Variants in TGFBR3 observed in about 807,000 individuals in gnomAD.
The protein encoded by TGFBR3 is transforming growth factor beta receptor 3.
TGFBR3 carries 46 observed loss-of-function variants against 87.9 expected under a neutral mutation model. The ratio of observed to expected loss-of-function variants is 0.52; its 90% confidence interval spans 0.41 to 0.67. TGFBR3 has a LOEUF of 0.67. Among genes scored for constraint, TGFBR3 ranks in the 30% least tolerant of loss-of-function variants. The pLI is 0.00. For missense variants in TGFBR3, 866 were observed against 1,041.9 expected, an observed-to-expected ratio of 0.83 and a Z score of 2.32; for synonymous variants, 381 against 391.6, an observed-to-expected ratio of 0.97 and a Z score of 0.32.
intron 10 of TGFBR3, among the ~76,000 whole-genome samples, 157 bp from the exon 11 acceptor site, chr1:91,716,865 A>T (rs946362766): frequency 6.6e-6 from 1 of 152,252 alleles, no homozygotes; most frequent in Admixed American, 6.5e-5. Flanking sequence ...TTTTCGAATT[A>T]TATCTTCAAA....
At chr1:91,785,104 A>G (rs1674908656) in intron 3 of TGFBR3, among the ~76,000 whole-genome samples, 1 of 152,278 alleles carries the variant, frequency 6.6e-6, no homozygotes, top group South Asian at 2.1e-4. Context: ...GAATGCATTA[A>G]CAAAACATGG....
chr1:91,712,161 C>A (rs764301977), intron 13 of TGFBR3, 82 bp downstream of exon 13: 1 of 1,348,592 alleles, frequency 7.4e-7, no homozygotes, highest in Non-Finnish European at 1.0e-6. Flanking sequence ...AAAACCTCAA[C>A]CTGCAAGACC....
At chr1:91,733,008 G>A (rs1412501402) in intron 5 of TGFBR3, among the ~76,000 whole-genome samples, 1 of 152,192 alleles carries the variant, frequency 6.6e-6, no homozygotes, top group African/African-American at 2.4e-5. Flanking sequence ...CAGAAACGCG[G>A]CCCGCTGGCC....
intron 2 of TGFBR3, among the ~76,000 whole-genome samples, chr1:91,800,423 C>A (rs1305710891): frequency 6.6e-6 from 1 of 150,550 alleles, no homozygotes; most frequent in Non-Finnish European, 1.5e-5. Context: ...GTGGGAGAAT[C>A]ACCTAAGCCC....
chr1:91,858,644 CT>C (rs1678059909), intron 2 of TGFBR3, among the ~76,000 whole-genome samples: 1 of 150,196 alleles, frequency 6.7e-6, no homozygotes, highest in South Asian at 2.1e-4. Context: ...CAAAATTTCC[CT>C]CTTCTTCATT....
intron 8 of TGFBR3, among the ~76,000 whole-genome samples, chr1:91,721,593 A>G (rs1459226020): frequency 6.6e-6 from 1 of 152,062 alleles, no homozygotes; most frequent in Non-Finnish European, 1.5e-5. Context: ...CCTCGTGACT[A>G]TTTTCCTAAA....
chr1:91,812,520 C>A (rs1676065151), intron 2 of TGFBR3, among the ~76,000 whole-genome samples: 1 of 152,184 alleles, frequency 6.6e-6, no homozygotes, highest in Non-Finnish European at 1.5e-5. Flanking sequence ...AGATGTAGGG[C>A]TGCCATTATG....
chr1:91,740,873 A>T (rs1245016885), intron 4 of TGFBR3, among the ~76,000 whole-genome samples: 2 of 152,238 alleles, frequency 1.3e-5, no homozygotes, highest in African/African-American at 2.4e-5. Flanking sequence ...AAAACACATA[A>T]GAAATGTAGG....
chr1:91,686,763 C>T (rs12075049), intron 16 of TGFBR3, among the ~76,000 whole-genome samples: 3,032 of 152,270 alleles, frequency 0.02, 116 homozygotes, highest in African/African-American at 0.069. Flanking sequence ...GCAGTGGTCT[C>T]TGATTTCGTG....
chr1:91,760,839 C>T (rs944106469), intron 3 of TGFBR3, among the ~76,000 whole-genome samples: 2 of 152,140 alleles, frequency 1.3e-5, no homozygotes, highest in African/African-American at 4.8e-5. Context: ...AGAAGAGATG[C>T]TATAGAAATA....
chr1:91,830,217 C>T (rs770875182), intron 2 of TGFBR3, among the ~76,000 whole-genome samples: 9 of 152,228 alleles, frequency 5.9e-5, no homozygotes, highest in African/African-American at 9.6e-5. Context: ...TTCTTTGCCT[C>T]TGTCTTTCTC....
chr1:91,902,574 C>T (rs188480707), intron 1 of TGFBR3, among the ~76,000 whole-genome samples: 1 of 151,942 alleles, frequency 6.6e-6, no homozygotes, highest in African/African-American at 2.4e-5. Context: ...TGAGCCACCA[C>T]ACCCAGCCAA....
At chr1:91,829,750 T>G (rs970560051) in intron 2 of TGFBR3, 13 of 149,580 alleles carry the variant, frequency 8.7e-5, no homozygotes, top group African/African-American at 1.5e-4. Context: ...AAGGGGTTTT[T>G]TTTTGTTTTG....
chr1:91,723,480 TAAAAAAAAAAAAA>T lies in TGFBR3; in HGVS notation c.886-1349_886-1337del, dbSNP rs58578681. ...TGGGTGACAGAGGGAGACCCTGCCT[TAAAAAAAAAAAAA>T]AAAAAAAAAAAAAAAGACTAGCTTT... On this transcript the variant is annotated intron_variant, in intron 7 of 16. Coordinates refer to ENST00000212355, the MANE Select transcript of TGFBR3 (RefSeq NM_003243.5). 4.8e-4 allele frequency among the ~76,000 whole-genome samples: 52 copies of T among 109,134 alleles called. 1 individual carries two copies. The highest frequency in any genetic ancestry group is 2.4e-3 in the South Asian group (7 of 2,890). 71.6% of individuals were successfully genotyped at this position (109,134 alleles called of 152,430 possible). A position where few individuals can be genotyped will look rare whatever the true frequency, so the allele number is the denominator to read the frequency against.
chr1:91,859,029 TGGG>T (rs1678074659), intron 2 of TGFBR3, among the ~76,000 whole-genome samples: 1 of 150,324 alleles, frequency 6.7e-6, no homozygotes, highest in African/African-American at 2.5e-5. Flanking sequence ...CACTCCAGCC[TGGG>T]TGACACACAG....
chr1:91,720,631 T>C (rs770262791), intron 8 of TGFBR3, among the ~76,000 whole-genome samples: 4 of 152,228 alleles, frequency 2.6e-5, no homozygotes, highest in Non-Finnish European at 5.9e-5. Context: ...TAATATGTTT[T>C]AGTCTCTCCA....
rs1221880373 is a variant in TGFBR3 at position 91,683,231 on chromosome 1, T to A, written c.*508A>T. On this transcript the variant is annotated 3_prime_UTR_variant, in exon 17 of 17. Transcript: ENST00000212355. ...TCAGAAGTGTGCATCCAGACAAAGGTGCAAATTAGACAGGAGGATCGCTTA... is the reference window on the plus strand; with the variant it reads ...TCAGAAGTGTGCATCCAGACAAAGGAGCAAATTAGACAGGAGGATCGCTTA... 2.2e-6 allele frequency: 1 copy of A among 454,654 alleles called. No homozygotes were observed. The highest frequency in any genetic ancestry group is 1.6e-5 in the South Asian group (1 of 64,474). 28.2% of individuals were successfully genotyped at this position (454,654 alleles called of 1,614,324 possible).
At chr1:91,720,305 G>C in intron 8 of TGFBR3, 75 bp from the exon 9 acceptor site, 1 of 1,379,158 alleles carries the variant, frequency 7.3e-7, no homozygotes, top group African/African-American at 1.4e-5. Context: ...AGGCAGAACA[G>C]GAGGAATTAG....
chr1:91,888,015 C>T (rs1298190876), upstream of TGFBR3, among the ~76,000 whole-genome samples: 2 of 152,034 alleles, frequency 1.3e-5, no homozygotes, highest in Admixed American at 1.3e-4. Flanking sequence ...ATTGTAAGTC[C>T]CACAATCCCC....
Sources: allele counts gnomAD v4.1 joint callset (sites outside exome capture counted in the v4.1 genomes callset), GRCh38; gene constraint gnomAD v4.1.1; transcripts MANE v1.5; gene names NCBI Gene and HGNC (gene_info 2026-07-23, HGNC 2026-07-21).